The following TMEM114 variants were observed in gnomAD, a reference collection of about 807,000 sequenced individuals.
TMEM114 encodes the protein transmembrane protein 114.
TMEM114 carries 6 observed loss-of-function variants against 6.2 expected under a neutral mutation model. The observed-to-expected ratio is 0.97, with a 90% CI of 0.53 to 1.91. The LOEUF (loss-of-function observed/expected upper bound fraction) is 1.91. TMEM114 is among the 40% of genes most tolerant of loss of function. The probability of loss-of-function intolerance (pLI) is 0.01; values close to 1 mark genes in which losing one functional copy is unlikely to be tolerated. For missense variants in TMEM114, 218 were observed against 158.3 expected, an observed-to-expected ratio of 1.38 and a Z score of -2.02; for synonymous variants, 104 against 73.0, an observed-to-expected ratio of 1.42 and a Z score of -2.16.
At chr16:8,570,851 G>C (rs545889536) in intron 3 of TMEM114, among the ~76,000 whole-genome samples, 1 of 152,312 alleles carries the variant, frequency 6.6e-6, no homozygotes, top group African/African-American at 2.4e-5. Context: ...GAAGTTAACA[G>C]CTCAGTCCCC....
chr16:8,542,044 C>T (rs961871237), intron 2 of TMEM114, among the ~76,000 whole-genome samples: 2 of 152,112 alleles, frequency 1.3e-5, no homozygotes, highest in Admixed American at 6.5e-5. Flanking sequence ...AAAAAGCACG[C>T]CAACATTAGG....
intron 2 of TMEM114, among the ~76,000 whole-genome samples, chr16:8,560,954 A>G (rs1483900027): frequency 6.6e-6 from 1 of 152,226 alleles, no homozygotes; most frequent in Non-Finnish European, 1.5e-5. Context: ...AAGGCAAAAG[A>G]CACGTCTTAT....
At chr16:8,573,107 T>C (rs534812701) in intron 2 of TMEM114, among the ~76,000 whole-genome samples, 18 of 152,322 alleles carry the variant, frequency 1.2e-4, no homozygotes, top group African/African-American at 4.1e-4. Flanking sequence ...CTTGATTGCA[T>C]CATGCAAGCT....
chr16:8,575,709 T>G (rs1901898908), intron 2 of TMEM114, among the ~76,000 whole-genome samples: 1 of 152,218 alleles, frequency 6.6e-6, no homozygotes, highest in Non-Finnish European at 1.5e-5. Context: ...TACAGGATTG[T>G]GTACTGAGGA....
At chr16:8,582,463 G>T (rs1413300168) in intron 2 of TMEM114, among the ~76,000 whole-genome samples, 1 of 152,230 alleles carries the variant, frequency 6.6e-6, no homozygotes, top group African/African-American at 2.4e-5. Flanking sequence ...AAGAGGCAAT[G>T]TTGGATAGCA....
At chr16:8,547,495 C>G (rs1900707585) in intron 2 of TMEM114, among the ~76,000 whole-genome samples, 1 of 151,268 alleles carries the variant, frequency 6.6e-6, no homozygotes, top group African/African-American at 2.4e-5. Flanking sequence ...TGGGTTCAAG[C>G]TATTCTCTTG....
At chr16:8,552,651 C>T (rs964160426) in intron 2 of TMEM114, among the ~76,000 whole-genome samples, 1 of 150,976 alleles carries the variant, frequency 6.6e-6, no homozygotes, top group African/African-American at 2.4e-5. Flanking sequence ...TCAAGGTACT[C>T]TATGTACTAT....
chr16:8,538,633 C>G (rs9939771), intron 2 of TMEM114, among the ~76,000 whole-genome samples: 39,911 of 151,726 alleles, frequency 0.26, 6,403 homozygotes, highest in African/African-American at 0.45. Context: ...TCAGCCTCCC[C>G]AGCAGCTGCG....
At chr16:8,527,647 C>T in the TMEM114 span, among the ~76,000 whole-genome samples, 1 of 152,124 alleles carries the variant, frequency 6.6e-6, no homozygotes. Flanking sequence ...TTTTTATTCT[C>T]ACATGGGACC....
rs1198392860 is a variant in TMEM114 at position 8,563,693 on chromosome 16, G to C, written n.212+25520C>G. ...AGTAAGTGAATGAGTAAGTGAATGA[G>C]TGAGTTAGTGAATGAGTGAGTGAGT... On this transcript the variant is annotated intron_variant and non_coding_transcript_variant, in intron 2 of 2. Coordinates refer to the TMEM114 transcript ENST00000623677. Among the ~76,000 whole-genome samples, 3 of 150,332 alleles carry C rather than the reference G, an allele frequency of 2.0e-5. No homozygotes were observed. In the East Asian group the frequency reaches 5.8e-4, roughly 29 times the overall value.
At chr16:8,546,748 C>G (rs1900679179) in intron 2 of TMEM114, among the ~76,000 whole-genome samples, 1 of 152,210 alleles carries the variant, frequency 6.6e-6, no homozygotes, top group African/African-American at 2.4e-5. Flanking sequence ...TTCAGGTTCC[C>G]CATGACAACA....
downstream of TMEM114, among the ~76,000 whole-genome samples, chr16:8,566,863 A>G (rs950469579): frequency 6.9e-6 from 1 of 145,814 alleles, no homozygotes; most frequent in East Asian, 2.0e-4. Flanking sequence ...CTGGAGTCAC[A>G]TCTCTACCAG....
At chr16:8,549,868 A>T (rs180985578) in intron 2 of TMEM114, among the ~76,000 whole-genome samples, 2 of 152,210 alleles carry the variant, frequency 1.3e-5, no homozygotes, top group Non-Finnish European at 1.5e-5. Flanking sequence ...ATTGGCTCAC[A>T]TGATCACAAG....
At chr16:8,551,960 G>T (rs560361810) in intron 2 of TMEM114, among the ~76,000 whole-genome samples, 1 of 152,300 alleles carries the variant, frequency 6.6e-6, no homozygotes, top group South Asian at 2.1e-4. Context: ...GTATTATGCT[G>T]AGTGAAGAAA....
chr16:8,561,880 A>C (rs12934183), intron 2 of TMEM114, among the ~76,000 whole-genome samples: 27 of 139,614 alleles, frequency 1.9e-4, no homozygotes, highest in Non-Finnish European at 4.3e-4. Context: ...GAGTGAGTGA[A>C]TGAGTGAGTG....
downstream of TMEM114, among the ~76,000 whole-genome samples, chr16:8,533,819 G>A (rs1900282785): frequency 6.6e-6 from 1 of 152,206 alleles, no homozygotes; most frequent in Non-Finnish European, 1.5e-5. Context: ...GGTCTCAGAT[G>A]GGTTTCCTGT....
intron 2 of TMEM114, among the ~76,000 whole-genome samples, chr16:8,550,379 T>C (rs577833527): frequency 6.6e-6 from 1 of 152,312 alleles, no homozygotes; most frequent in South Asian, 2.1e-4. Context: ...TTCTCTGGAA[T>C]CTAAAATCTG....
chr16:8,527,405 A>G, the TMEM114 span, among the ~76,000 whole-genome samples: 1 of 152,150 alleles, frequency 6.6e-6, no homozygotes, highest in South Asian at 2.1e-4. Context: ...GTGTGCTTTG[A>G]GGCTCACTGT....
chr16:8,552,792 G>A (rs1900887096), intron 2 of TMEM114, among the ~76,000 whole-genome samples: 1 of 150,616 alleles, frequency 6.6e-6, no homozygotes, highest in Non-Finnish European at 1.5e-5. Context: ...CTTCCGCCCT[G>A]AAGGTGAAAC....
Sources: allele counts gnomAD v4.1 joint callset (sites outside exome capture counted in the v4.1 genomes callset), GRCh38; gene constraint gnomAD v4.1.1; transcripts MANE v1.5; gene names NCBI Gene and HGNC (gene_info 2026-07-23, HGNC 2026-07-21).